Variants in PTPN2 observed in about 807,000 individuals in gnomAD.
PTPN2 encodes the protein protein tyrosine phosphatase non-receptor type 2, also known as tyrosine-protein phosphatase non-receptor type 2.
In PTPN2, 19 loss-of-function variants were observed where a neutral mutation model predicts 57.3. The observed-to-expected ratio is 0.33, with a 90% CI of 0.23 to 0.49. PTPN2 has a LOEUF of 0.49. PTPN2 is among the 20% of genes least tolerant of loss of function. The pLI, the probability that PTPN2 is intolerant of heterozygous loss-of-function variation, is 0.99. For synonymous variants in PTPN2, 153 were observed against 164.9 expected (o/e 0.93, Z 0.55); for missense variants, 358 against 501.1 (o/e 0.71, Z 2.73).
chr18:12,852,316 T>C (rs2145447866), intron 2 of PTPN2, among the ~76,000 whole-genome samples: 1 of 152,190 alleles, frequency 6.6e-6, no homozygotes, highest in African/African-American at 2.4e-5. Flanking sequence ...CTGGGATTTC[T>C]ACCTGTACTG....
intron 5 of PTPN2, among the ~76,000 whole-genome samples, chr18:12,822,430 CA>C (rs1375608376): frequency 6.6e-6 from 1 of 152,206 alleles, no homozygotes; most frequent in Non-Finnish European, 1.5e-5. Context: ...TAAAATCCCT[CA>C]AAATTATCTC....
At chr18:12,795,152 C>T (rs145940348) in intron 8 of PTPN2, among the ~76,000 whole-genome samples, 25 of 152,254 alleles carry the variant, frequency 1.6e-4, no homozygotes, top group African/African-American at 4.8e-4. Flanking sequence ...ATTTCCTGGT[C>T]ACGTTTGATG....
chr18:12,860,966 T>C (rs1004152820), intron 1 of PTPN2, among the ~76,000 whole-genome samples: 1 of 152,200 alleles, frequency 6.6e-6, no homozygotes, highest in Non-Finnish European at 1.5e-5. Flanking sequence ...GCTCACATTA[T>C]TACATGTAAG....
chr18:12,797,376 T>C (rs141980632), intron 8 of PTPN2, among the ~76,000 whole-genome samples: 7 of 152,300 alleles, frequency 4.6e-5, no homozygotes, highest in African/African-American at 1.7e-4. Flanking sequence ...TTAAGTGTTA[T>C]ATGATTACAT....
At position 12,819,380 on chromosome 18, in the gene PTPN2, A is replaced by G; in HGVS notation, c.496-2015T>C. 6.9e-6 allele frequency: 4 copies of G among 580,688 alleles called. No individual in the cohort carries two copies. The South Asian group carries it at 9.4e-5, about 14-fold the overall frequency. The allele number at this position is 580,688 out of a possible 1,614,324, so 36.0% of individuals were successfully genotyped here. Reference sequence around the variant, plus strand: ...TTAAATTAATTATGGTAAGTGAACAAAGCCAGACTAAAGGCTATATACTAT... The same window carrying G: ...TTAAATTAATTATGGTAAGTGAACAGAGCCAGACTAAAGGCTATATACTAT... On this transcript the variant is annotated intron_variant, in intron 5 of 8. Transcript: ENST00000309660.
chr18:12,809,116 G>A (rs2041802037), intron 7 of PTPN2, among the ~76,000 whole-genome samples: 1 of 152,226 alleles, frequency 6.6e-6, no homozygotes, highest in African/African-American at 2.4e-5. Flanking sequence ...CTGGGCTAGA[G>A]AAACACCCTC....
rs546937378 is a variant in PTPN2, at chr18:12,804,296, A to AAG, written c.859-2146_859-2145insCT. ...GTCAGAGTGAAACTGTCTCAAAAAA[A>AAG]AAAAAAAAAAAAAGAAAAAGAAAGT... is the stretch of plus-strand genomic sequence containing the variant. On this transcript the variant is annotated intron_variant, in intron 7 of 8. Coordinates refer to ENST00000309660, the MANE Select transcript of PTPN2 (RefSeq NM_002828.4). Among the ~76,000 whole-genome samples, 475 of 150,212 alleles carry AAG rather than the reference A, an allele frequency of 3.2e-3. 5 individuals carry two copies. Among genetic ancestry groups the AAG allele is most frequent in the Middle Eastern group, 0.014 (4 of 288 alleles).
chr18:12,839,627 G>A (rs1443863077), intron 2 of PTPN2: 1 of 152,122 alleles, frequency 6.6e-6, no homozygotes, highest in African/African-American at 2.4e-5. Context: ...ACACTTCACA[G>A]GAAATCTTAT....
chr18:12,872,053 AAAAAAC>A (rs869131637), intron 1 of PTPN2, among the ~76,000 whole-genome samples: 7,704 of 90,028 alleles, frequency 0.086, 637 homozygotes, highest in African/African-American at 0.27. Flanking sequence ...TGTCTCAAAA[AAAAAAC>A]AAAAAAACAA....
intron 7 of PTPN2, among the ~76,000 whole-genome samples, chr18:12,810,165 G>C (rs189583774): frequency 6.6e-6 from 1 of 152,170 alleles, no homozygotes. Flanking sequence ...CTGGGTGAAA[G>C]ATGAGACTCG....
At chr18:12,840,798 G>A (rs780545174) in intron 2 of PTPN2, 4 of 1,598,252 alleles carry the variant, frequency 2.5e-6, no homozygotes, top group Non-Finnish European at 3.4e-6. Flanking sequence ...CTAAATTCTT[G>A]CTGACATCAC....
chr18:12,862,170 G>GT (rs1202170968), intron 1 of PTPN2: 3 of 130,836 alleles, frequency 2.3e-5, no homozygotes, highest in Non-Finnish European at 5.1e-5. Flanking sequence ...TTTTTTTTTT[G>GT]TTTTTTGAGG....
intron 1 of PTPN2, among the ~76,000 whole-genome samples, chr18:12,870,650 A>G (rs1261813201): frequency 1.3e-5 from 2 of 148,590 alleles, no homozygotes; most frequent in South Asian, 2.1e-4. Flanking sequence ...CTGGGACTAC[A>G]GGCGCCCGCA....
In PTPN2 at chr18:12,831,046, G is replaced by T; in HGVS notation, c.262-5C>A. 6.3e-7 allele frequency: 1 copy of T among 1,583,530 alleles called. No homozygotes were observed. The highest frequency in any genetic ancestry group is 1.3e-5 in the African/African-American group (1 of 74,458). ...GCATGTGTTAGGAAGTGGACCCTGT[G>T]AAGAGAGAGGAGAGAGAGCAGATGA... On this transcript the variant is annotated splice_polypyrimidine_tract_variant and splice_region_variant and intron_variant, in intron 3 of 8. Coordinates refer to ENST00000309660, the MANE Select transcript of PTPN2 (RefSeq NM_002828.4).
chr18:12,809,677 A>C (rs1359588405), intron 7 of PTPN2, among the ~76,000 whole-genome samples: 1 of 152,224 alleles, frequency 6.6e-6, no homozygotes, highest in Non-Finnish European at 1.5e-5. Context: ...CGAGGAGTCT[A>C]ATGATTTTGG....
At chr18:12,805,972 T>A (rs190050385) in intron 7 of PTPN2, among the ~76,000 whole-genome samples, 17 of 152,126 alleles carry the variant, frequency 1.1e-4, no homozygotes, top group Admixed American at 1.1e-3. Flanking sequence ...ATACTGTAAG[T>A]CCTAGCCAGA....
chr18:12,804,690 CAT>C (rs1346574455), intron 7 of PTPN2, among the ~76,000 whole-genome samples: 2 of 152,098 alleles, frequency 1.3e-5, no homozygotes, highest in Non-Finnish European at 2.9e-5. Flanking sequence ...ACCATGAAGA[CAT>C]AGAAAACCTG....
exon 10 of PTPN2, chr18:12,785,692 A>T: frequency 1.2e-6 from 1 of 807,480 alleles, no homozygotes; most frequent in Non-Finnish European, 2.1e-6. Flanking sequence ...TTTACTTTGT[A>T]AACAAACAAC....
intron 1 of PTPN2, among the ~76,000 whole-genome samples, chr18:12,866,610 C>T (rs2044003490): frequency 6.6e-6 from 1 of 152,146 alleles, no homozygotes; most frequent in Admixed American, 6.5e-5. Flanking sequence ...TACCCAGTCT[C>T]TCCTTGGGGT....
Sources: allele counts gnomAD v4.1 joint callset (sites outside exome capture counted in the v4.1 genomes callset), GRCh38; gene constraint gnomAD v4.1.1; transcripts MANE v1.5; gene names NCBI Gene and HGNC (gene_info 2026-07-23, HGNC 2026-07-21).